CADM2: variants seen among roughly 807,000 people sequenced by gnomAD.
CADM2 encodes the protein cell adhesion molecule 2.
A neutral mutation model predicts 49.8 loss-of-function variants in CADM2; 12 were observed. That is an observed-to-expected ratio of 0.24 (90% CI 0.15 to 0.39). The LOEUF is 0.39. CADM2 is among the 10% of genes least tolerant of loss of function. CADM2 has a pLI of 1.00. For missense variants in CADM2, 378 were observed against 492.3 expected (o/e 0.77, Z 2.20); for synonymous variants, 214 against 175.4 (o/e 1.22, Z -1.74).
chr3:85,015,893 A>C (rs978359145), intron 1 of CADM2, among the ~76,000 whole-genome samples: 2 of 150,306 alleles, frequency 1.3e-5, no homozygotes, highest in African/African-American at 5.0e-5. Flanking sequence ...GGGAATTCAC[A>C]AAATTGTCAT....
chr3:85,803,691 G>T (rs948581914), intron 3 of CADM2, among the ~76,000 whole-genome samples: 1 of 152,136 alleles, frequency 6.6e-6, no homozygotes, highest in African/African-American at 2.4e-5. Flanking sequence ...TTCTTCCTTA[G>T]GGTACTTAGA....
At chr3:86,059,867 A>G (rs924097768) in intron 8 of CADM2, among the ~76,000 whole-genome samples, 1 of 152,130 alleles carries the variant, frequency 6.6e-6, no homozygotes, top group African/African-American at 2.4e-5. Context: ...TCTTAGTTCT[A>G]ACAGTTATGG....
intron 3 of CADM2, among the ~76,000 whole-genome samples, chr3:85,870,337 A>G (rs967958592): frequency 2.0e-5 from 3 of 151,786 alleles, no homozygotes; most frequent in Non-Finnish European, 2.9e-5. Flanking sequence ...TTGTTGTACT[A>G]ATTATTTTGC....
At position 85,402,619 on chromosome 3, in the gene CADM2, A is replaced by G. The variant is rs529036311; in HGVS notation, c.62-323903A>G. ...ATGAACTACAGAGACTGACCAAAGC[A>G]GTGAGAAAGAATGTCAGAACAAACT... On this transcript the variant is annotated intron_variant, in intron 1 of 9. Transcript: ENST00000383699. 2.0e-5 allele frequency among the ~76,000 whole-genome samples: 3 copies of G among 152,346 alleles called. No homozygotes were observed. In the South Asian group the frequency reaches 6.2e-4, roughly 32 times the overall value.
intron 1 of CADM2, among the ~76,000 whole-genome samples, chr3:85,181,533 T>C (rs1353768248): frequency 6.6e-6 from 1 of 152,114 alleles, no homozygotes; most frequent in African/African-American, 2.4e-5. Flanking sequence ...TCTGAGAATC[T>C]GCCATGTAAA....
chr3:85,613,259 A>G (rs1054520930), intron 1 of CADM2, among the ~76,000 whole-genome samples: 21 of 151,904 alleles, frequency 1.4e-4, no homozygotes, highest in African/African-American at 5.1e-4. Flanking sequence ...TAAAAGATAT[A>G]TACAGGATTT....
chr3:85,719,218 C>T (rs918986100), intron 1 of CADM2, among the ~76,000 whole-genome samples: 2 of 152,110 alleles, frequency 1.3e-5, no homozygotes, highest in African/African-American at 4.8e-5. Context: ...GTAATTTACA[C>T]ATATGATAAA....
At chr3:85,433,652 G>T (rs2036791291) in intron 1 of CADM2, among the ~76,000 whole-genome samples, 1 of 152,078 alleles carries the variant, frequency 6.6e-6, no homozygotes, top group Admixed American at 6.6e-5. Context: ...ATTCTGATTT[G>T]CATATTGCCC....
rs995135453 is a variant in CADM2 at position 86,037,025 on chromosome 3, T to C, written c.971-28580T>C. Reference sequence around the variant, plus strand: ...TATTAATGCTGTTAACTTGTCTCTTTGCTTTTATCTTCTAATTTTTAACCA... The same window carrying C: ...TATTAATGCTGTTAACTTGTCTCTTCGCTTTTATCTTCTAATTTTTAACCA... On this transcript the variant is annotated intron_variant, in intron 8 of 9. Transcript: ENST00000383699. Among the ~76,000 whole-genome samples the C allele has an allele frequency of 2.0e-5, 3 of 152,172 alleles. No individual in the cohort carries two copies. In the East Asian group the frequency reaches 5.8e-4, roughly 29 times the overall value.
At chr3:84,994,192 C>T (rs992108330) in intron 1 of CADM2, among the ~76,000 whole-genome samples, 1 of 152,120 alleles carries the variant, frequency 6.6e-6, no homozygotes, top group South Asian at 2.1e-4. Flanking sequence ...GCACAGGCAT[C>T]GCTTTTCCAC....
intron 1 of CADM2, among the ~76,000 whole-genome samples, chr3:85,676,125 A>T (rs995015745): frequency 1.3e-5 from 2 of 152,136 alleles, no homozygotes; most frequent in African/African-American, 4.8e-5. Flanking sequence ...ATTCCCATTG[A>T]TAGGGTCTGT....
At chr3:86,043,740 A>C (rs1316801200) in intron 8 of CADM2, among the ~76,000 whole-genome samples, 1 of 152,072 alleles carries the variant, frequency 6.6e-6, no homozygotes, top group African/African-American at 2.4e-5. Context: ...CAAAAAAGAG[A>C]CCACCTTGCC....
At chr3:85,270,475 C>T (rs565551535) in intron 1 of CADM2, among the ~76,000 whole-genome samples, 1 of 151,456 alleles carries the variant, frequency 6.6e-6, no homozygotes, top group African/African-American at 2.4e-5. Context: ...ATGCCTAAAA[C>T]ATTCTGTTCA....
intron 1 of CADM2, among the ~76,000 whole-genome samples, chr3:85,455,846 C>T (rs905648400): frequency 2.0e-5 from 3 of 151,904 alleles, no homozygotes; most frequent in African/African-American, 7.3e-5. Flanking sequence ...TGAGTGTGTT[C>T]GTGTGTGTGT....
intron 3 of CADM2, among the ~76,000 whole-genome samples, chr3:85,817,029 T>C (rs1008361350): frequency 6.6e-6 from 1 of 152,200 alleles, no homozygotes; most frequent in African/African-American, 2.4e-5. Flanking sequence ...AATTACAAAT[T>C]AGGTTAGGTA....
intron 1 of CADM2, among the ~76,000 whole-genome samples, chr3:85,344,095 T>C (rs910011936): frequency 1.3e-5 from 2 of 152,034 alleles, no homozygotes; most frequent in Non-Finnish European, 1.5e-5. Context: ...GTTAAAATAA[T>C]TGTATGGGCC....
At chr3:85,177,610 A>C (rs1180164180) in intron 1 of CADM2, among the ~76,000 whole-genome samples, 1 of 151,418 alleles carries the variant, frequency 6.6e-6, no homozygotes, top group African/African-American at 2.4e-5. Flanking sequence ...AAACCCAAAA[A>C]TGTAGTTAAT....
chr3:85,834,672 A>G (rs905483021), intron 3 of CADM2, among the ~76,000 whole-genome samples: 1 of 151,532 alleles, frequency 6.6e-6, no homozygotes, highest in Non-Finnish European at 1.5e-5. Flanking sequence ...TCTACTGGAC[A>G]CATGGAGAAC....
At chr3:85,718,585 A>G (rs952670809) in intron 1 of CADM2, among the ~76,000 whole-genome samples, 1 of 152,204 alleles carries the variant, frequency 6.6e-6, no homozygotes, top group Non-Finnish European at 1.5e-5. Context: ...AACTTTAAAG[A>G]GATGTTTGAA....
Sources: allele counts gnomAD v4.1 joint callset (sites outside exome capture counted in the v4.1 genomes callset), GRCh38; gene constraint gnomAD v4.1.1; transcripts MANE v1.5; gene names NCBI Gene and HGNC (gene_info 2026-07-23, HGNC 2026-07-21).